XIRP2: variants seen among roughly 807,000 people sequenced by gnomAD.
XIRP2 encodes the protein xin actin-binding repeat-containing protein 2.
A neutral mutation model predicts 277.0 loss-of-function variants in XIRP2; 236 were observed. That is an observed-to-expected ratio of 0.85 (90% CI 0.77 to 0.95). The LOEUF (loss-of-function observed/expected upper bound fraction) is 0.95, where lower values mean the gene tolerates loss of function less well. Ranked by LOEUF, XIRP2 falls within the 40% of genes least tolerant of loss-of-function variation. The pLI is 0.00. For missense variants in XIRP2, 4,640 were observed against 4,157.5 expected, an observed-to-expected ratio of 1.12 and a Z score of -3.19; for synonymous variants, 1,490 against 1,416.5, an observed-to-expected ratio of 1.05 and a Z score of -1.17.
At chr2:167,167,107 A>T (rs73021971) in intron 3 of XIRP2, among the ~76,000 whole-genome samples, 15,058 of 152,166 alleles carry the variant, frequency 0.099, 798 homozygotes, top group South Asian at 0.15. Context: ...CTTATAAATT[A>T]CCTTGCTGTC....
rs1573998260 is a variant in XIRP2, at chr2:167,249,017, C to T, written c.7625C>T (p.Thr2542Ile). ...AAACCTTATATGAGAAAATTTAAGA[C>T]ACCTTTAATGATTGCTGAAGAAAAA... Reference protein sequence around the residue: ...NPKPYMRKFKTPLMIAEEKYR... With the variant: ...NPKPYMRKFKIPLMIAEEKYR... The change falls in exon 9 of 11, where the codon ACA becomes ATA. Residue 2542 changes from threonine to isoleucine, a missense_variant. Physicochemically the swap from Thr to Ile is moderately conservative, Grantham distance 89. Transcript: ENST00000409195. 6.2e-7 allele frequency: 1 copy of T among 1,610,834 alleles called. No individual in the cohort carries two copies. Among genetic ancestry groups the T allele is most frequent in the South Asian group, 1.1e-5 (1 of 90,362 alleles).
Position 167,115,039 on chromosome 2 carries a change from G to A in XIRP2, c.409-20870G>A, listed in dbSNP as rs375977746. Among the ~76,000 whole-genome samples, 52 of 152,224 alleles carry A rather than the reference G, an allele frequency of 3.4e-4. 1 individual carries two copies. In the South Asian group the frequency reaches 0.01, roughly 30 times the overall value. On this transcript the variant is annotated intron_variant, in intron 2 of 10. Transcript: ENST00000409195. ...CGCCACACTGACTTCCACAATGGTT[G>A]AACTAGTTTACAGTCCCACCAACAG...
At chr2:167,033,725 T>C (rs2105508903) in intron 2 of XIRP2, among the ~76,000 whole-genome samples, 1 of 152,206 alleles carries the variant, frequency 6.6e-6, no homozygotes, top group Admixed American at 6.6e-5. Context: ...GAGAATGGCA[T>C]GACATATATA....
At chr2:167,253,525 TG>T (rs1264339950) in intron 9 of XIRP2, among the ~76,000 whole-genome samples, 5 of 151,826 alleles carry the variant, frequency 3.3e-5, no homozygotes, top group Non-Finnish European at 7.4e-5. Flanking sequence ...ACAGTGTCCT[TG>T]GCTTAAAAAA....
At chr2:167,006,219 A>G (rs902827827) in intron 2 of XIRP2, among the ~76,000 whole-genome samples, 4 of 151,844 alleles carry the variant, frequency 2.6e-5, no homozygotes, top group Non-Finnish European at 5.9e-5. Context: ...AGATACTTGG[A>G]TATGAAATGA....
intron 2 of XIRP2, among the ~76,000 whole-genome samples, chr2:167,132,639 A>T (rs558726991): frequency 3.9e-4 from 60 of 152,252 alleles, no homozygotes; most frequent in East Asian, 2.7e-3. Flanking sequence ...CTGCCTCTGC[A>T]GGCCATCCAG....
At chr2:167,077,605 C>G (rs867874828) in intron 2 of XIRP2, among the ~76,000 whole-genome samples, 12 of 152,120 alleles carry the variant, frequency 7.9e-5, no homozygotes, top group Admixed American at 2.6e-4. Flanking sequence ...AGGAAGGTCA[C>G]TGAAACATCT....
At chr2:166,980,419 T>TG (rs1686833399) in intron 2 of XIRP2, among the ~76,000 whole-genome samples, 1 of 150,356 alleles carries the variant, frequency 6.7e-6, no homozygotes, top group East Asian at 2.0e-4. Flanking sequence ...TAATATAGTA[T>TG]TTTTTTTTGT....
intron 3 of XIRP2, among the ~76,000 whole-genome samples, chr2:167,205,384 C>CA (rs1693826387): frequency 6.6e-6 from 1 of 151,950 alleles, no homozygotes; most frequent in Non-Finnish European, 1.5e-5. Context: ...TTATATAATT[C>CA]AAAATCATTT....
intron 2 of XIRP2, among the ~76,000 whole-genome samples, chr2:167,028,660 A>T (rs191961977): frequency 3.6e-4 from 55 of 152,144 alleles, no homozygotes; most frequent in South Asian, 1.2e-3. Context: ...CTAGACACAG[A>T]TGAACCTACA....
Position 167,119,905 on chromosome 2 carries a change from C to T in XIRP2, c.409-16004C>T, listed in dbSNP as rs375846011. On this transcript the variant is annotated intron_variant, in intron 2 of 10. Coordinates refer to ENST00000409195, the MANE Select transcript of XIRP2 (RefSeq NM_152381.6). ...ATTGGCCTATAAGAGCACTCCTTCT[C>T]CCTTTCAGCATCATAAAGATGTTAT... Among the ~76,000 whole-genome samples, 4 of 152,170 alleles carry T rather than the reference C, an allele frequency of 2.6e-5. No homozygotes were observed. In the South Asian group the frequency reaches 8.3e-4, roughly 32 times the overall value.
chr2:167,120,029 A>C (rs938481537), intron 2 of XIRP2, among the ~76,000 whole-genome samples: 2 of 152,232 alleles, frequency 1.3e-5, no homozygotes, highest in South Asian at 4.2e-4. Context: ...CTAAAAGAGA[A>C]ATCATAGAGC....
rs1486650375 is a variant in XIRP2 at position 167,121,362 on chromosome 2, T to A, written c.409-14547T>A. On this transcript the variant is annotated intron_variant, in intron 2 of 10. Coordinates refer to ENST00000409195, the MANE Select transcript of XIRP2 (RefSeq NM_152381.6). ...ATCATTCATGCCACTCTAGAGGATA[T>A]CATTGGGTTATTTCATTTTCAAAAG... Among the ~76,000 whole-genome samples, 10 of 152,176 alleles carry A rather than the reference T, an allele frequency of 6.6e-5. No homozygotes were observed. In the East Asian group the frequency reaches 1.9e-3, roughly 29 times the overall value.
intron 3 of XIRP2, among the ~76,000 whole-genome samples, chr2:167,196,103 T>C (rs924826111): frequency 4.6e-5 from 7 of 152,122 alleles, no homozygotes; most frequent in Admixed American, 1.3e-4. Context: ...TCAACATCAT[T>C]TATTCACCTT....
At chr2:167,053,311 A>G (rs1379754036) in intron 2 of XIRP2, among the ~76,000 whole-genome samples, 11 of 152,100 alleles carry the variant, frequency 7.2e-5, no homozygotes, top group Non-Finnish European at 1.3e-4. Context: ...ATATGTGTTT[A>G]TTTGTAGATA....
At chr2:167,100,539 G>T (rs1408337858) in intron 2 of XIRP2, among the ~76,000 whole-genome samples, 1 of 152,110 alleles carries the variant, frequency 6.6e-6, no homozygotes, top group African/African-American at 2.4e-5. Flanking sequence ...TTTCCCCTTG[G>T]CCTAAGAAGG....
rs768571994 is a variant in XIRP2 at position 167,249,101 on chromosome 2, T to C, written c.7709T>C (p.Ile2570Thr). Residue 2570 changes from isoleucine (I) to threonine (T), a missense_variant, in exon 9 of 11, where the codon ATT (isoleucine) becomes ACT (threonine). Transcript: ENST00000409195. ...KQKQESSYYN[I>T]VKTQSQNQHI... ...AAACAGGAGAGTTCTTACTACAACA[T>C]TGTTAAAACTCAAAGCCAAAATCAA... 1.9e-6 allele frequency: 3 copies of C among 1,613,674 alleles called. No individual in the cohort carries two copies. The highest frequency in any genetic ancestry group is 1.1e-5 in the South Asian group (1 of 91,072).
chr2:167,036,229 C>G (rs1688503034), intron 2 of XIRP2, among the ~76,000 whole-genome samples: 1 of 152,086 alleles, frequency 6.6e-6, no homozygotes, highest in African/African-American at 2.4e-5. Context: ...TCCTGCAGAC[C>G]CCAGAATGTT....
At chr2:166,941,906 C>G (rs1685730408) in intron 2 of XIRP2, among the ~76,000 whole-genome samples, 1 of 152,192 alleles carries the variant, frequency 6.6e-6, no homozygotes, top group Non-Finnish European at 1.5e-5. Flanking sequence ...TTATATGGCA[C>G]AAGCTAACTG....
Sources: gnomAD v4.1 joint callset for allele counts (sites outside exome capture counted in the v4.1 genomes callset) on GRCh38, gnomAD v4.1.1 for gene constraint, MANE v1.5 for transcripts, NCBI Gene and HGNC (gene_info 2026-07-23, HGNC 2026-07-21) for gene names.